FGD6: variants seen among roughly 807,000 people sequenced by gnomAD.
The protein encoded by FGD6 is FYVE, RhoGEF and PH domain containing 6, also known as FYVE, RhoGEF and PH domain-containing protein 6.
In FGD6, 90 loss-of-function variants were observed where a neutral mutation model predicts 149.4. The observed-to-expected ratio is 0.60, with a 90% CI of 0.51 to 0.72. The LOEUF is 0.72. Among genes scored for constraint, FGD6 ranks in the 30% least tolerant of loss-of-function variants. The pLI, the probability that FGD6 is intolerant of heterozygous loss-of-function variation, is 0.00. For synonymous variants in FGD6, 527 were observed against 584.0 expected, an observed-to-expected ratio of 0.90 and a Z score of 1.41; for missense variants, 1,437 against 1,684.8, an observed-to-expected ratio of 0.85 and a Z score of 2.57.
chr12:95,126,436 CA>C, intron 8 of FGD6: 1 of 1,123,110 alleles, frequency 8.9e-7, no homozygotes, highest in Non-Finnish European at 1.2e-6. Context: ...AAAAAACAAA[CA>C]AAAAACAAAG....
At chr12:95,113,973 C>T (rs200021336) in intron 8 of FGD6, among the ~76,000 whole-genome samples, 7 of 152,210 alleles carry the variant, frequency 4.6e-5, no homozygotes, top group African/African-American at 1.7e-4. Context: ...CCAACTCACA[C>T]AACCTCTAGT....
At chr12:95,102,095 T>C (rs1226922294) in intron 14 of FGD6, among the ~76,000 whole-genome samples, 1 of 151,432 alleles carries the variant, frequency 6.6e-6, no homozygotes, top group Non-Finnish European at 1.5e-5. Flanking sequence ...TCACCTGAGG[T>C]CAGGAGTTCA....
chr12:95,138,199 G>C (rs1879731704), intron 6 of FGD6, among the ~76,000 whole-genome samples: 1 of 123,506 alleles, frequency 8.1e-6, no homozygotes, highest in African/African-American at 3.4e-5. Context: ...GCAAGATTCT[G>C]TCTCAAAAAT....
At chr12:95,146,988 T>C (rs1880037514) in intron 5 of FGD6, among the ~76,000 whole-genome samples, 1 of 152,150 alleles carries the variant, frequency 6.6e-6, no homozygotes, top group Non-Finnish European at 1.5e-5. Context: ...GAGGGGTATG[T>C]GACTTAATTA....
At chr12:95,138,665 A>G (rs1879754450) in intron 6 of FGD6, among the ~76,000 whole-genome samples, 1 of 151,594 alleles carries the variant, frequency 6.6e-6, no homozygotes, top group East Asian at 1.9e-4. Flanking sequence ...GGCCTTCTTT[A>G]TCTTCTTTGG....
In FGD6 at chr12:95,081,028, A is replaced by G. The variant is rs1877656920; in HGVS notation, c.*492T>C. 6.6e-6 allele frequency: 1 copy of G among 152,194 alleles called. No individual in the cohort carries two copies. Among genetic ancestry groups the G allele is most frequent in the African/African-American group, 2.4e-5 (1 of 41,458 alleles). The allele number at this position is 152,194 out of a possible 1,614,324, so 9.4% of individuals were successfully genotyped here. On this transcript the variant is annotated 3_prime_UTR_variant, in exon 21 of 21. Coordinates refer to ENST00000343958, the MANE Select transcript of FGD6 (RefSeq NM_018351.4). ...TTTCCACTAAAAGATACAAATATTCACCCAAGTTTATTGATTCAAAGACAT... is the reference window on the plus strand; with the variant it reads ...TTTCCACTAAAAGATACAAATATTCGCCCAAGTTTATTGATTCAAAGACAT...
chr12:95,078,818 G>A lies in FGD6; in HGVS notation c.*2702C>T, dbSNP rs754886897. 6.6e-6 allele frequency: 1 copy of A among 152,126 alleles called. No individual in the cohort carries two copies. The highest frequency in any genetic ancestry group is 6.5e-5 in the Admixed American group (1 of 15,274). 9.4% of individuals were successfully genotyped at this position (152,126 alleles called of 1,614,324 possible). ...CAGCCTTCCCCTGGTTCAGCCTGGC[G>A]TCTCATCTACGTTATGCTTAGCATC... On this transcript the variant is annotated 3_prime_UTR_variant, in exon 21 of 21. Coordinates refer to ENST00000343958, the MANE Select transcript of FGD6 (RefSeq NM_018351.4).
rs900145004 is a variant in FGD6 at position 95,210,177 on chromosome 12, C to A, written c.1107G>T (p.Leu369Phe). The A allele has an allele frequency of 6.2e-7, 1 of 1,613,948 alleles. No individual in the cohort carries two copies. The highest frequency in any genetic ancestry group is 1.1e-5 in the South Asian group (1 of 91,066). The change falls in exon 2 of 21, where the codon TTG becomes TTT. Residue 369 changes from leucine (L) to phenylalanine (F), a missense_variant. Transcript: ENST00000343958. ...NKISVLHQNVLCKQEQVDKMK... is the reference protein window; with the variant it reads ...NKISVLHQNVFCKQEQVDKMK... ...TTTTATCCACCTGTTCCTGCTTACA[C>A]AAAACATTCTGATGCAGAACACTGA...
intron 6 of FGD6, 23 bp from the exon 7 acceptor site, chr12:95,137,701 C>A (rs1406909669): frequency 6.6e-7 from 1 of 1,512,080 alleles, no homozygotes; most frequent in Admixed American, 2.2e-5. Flanking sequence ...AAGAGATACA[C>A]AAAAAAATAT....
intron 2 of FGD6, among the ~76,000 whole-genome samples, chr12:95,201,237 A>G (rs1051998567): frequency 2.6e-5 from 4 of 152,142 alleles, no homozygotes; most frequent in Non-Finnish European, 5.9e-5. Flanking sequence ...CCCCTGAACC[A>G]CCTGGAAGAT....
intron 14 of FGD6, among the ~76,000 whole-genome samples, chr12:95,098,011 C>T (rs910050645): frequency 6.6e-6 from 1 of 152,168 alleles, no homozygotes; most frequent in Non-Finnish European, 1.5e-5. Flanking sequence ...TACCCTCATT[C>T]AGTCTGCCAG....
intron 8 of FGD6, among the ~76,000 whole-genome samples, chr12:95,128,556 A>C (rs1488396675): frequency 1.3e-5 from 2 of 152,206 alleles, no homozygotes; most frequent in Non-Finnish European, 2.9e-5. Flanking sequence ...AGGGGTTTAC[A>C]ATCTAGTGGA....
At chr12:95,184,833 T>A (rs965531352) in intron 2 of FGD6, among the ~76,000 whole-genome samples, 6 of 152,274 alleles carry the variant, frequency 3.9e-5, no homozygotes, top group Admixed American at 3.3e-4. Context: ...TTTGCCCGCC[T>A]TGGCCTCCCA....
intron 3 of FGD6, among the ~76,000 whole-genome samples, chr12:95,162,168 GA>G (rs1242603267): frequency 1.3e-5 from 2 of 151,270 alleles, no homozygotes; most frequent in African/African-American, 4.9e-5. Flanking sequence ...TTGAGAGACT[GA>G]GGTAGGAGGA....
At chr12:95,092,146 A>G (rs955539074) in intron 16 of FGD6, among the ~76,000 whole-genome samples, 6 of 152,214 alleles carry the variant, frequency 3.9e-5, no homozygotes, top group Admixed American at 3.3e-4. Context: ...CACTGTCATC[A>G]TCATAATCAC....
At chr12:95,155,100 G>C (rs1233400651) in intron 3 of FGD6, among the ~76,000 whole-genome samples, 4 of 152,150 alleles carry the variant, frequency 2.6e-5, no homozygotes, top group African/African-American at 9.6e-5. Flanking sequence ...AAAAAAATAT[G>C]ACTATATATG....
chr12:95,144,480 C>CTT (rs1879948440), intron 5 of FGD6, among the ~76,000 whole-genome samples: 1 of 151,932 alleles, frequency 6.6e-6, no homozygotes, highest in Non-Finnish European at 1.5e-5. Flanking sequence ...ACAACCTCCG[C>CTT]TTCCCGGGTT....
rs759692979 is a variant in FGD6 at position 95,104,995 on chromosome 12, G to GA, written c.3497+11dup. On this transcript the variant is annotated intron_variant, in intron 14 of 20. Coordinates refer to ENST00000343958, the MANE Select transcript of FGD6 (RefSeq NM_018351.4). ...AGAAAAAAAAAAAAAAAAAGAAGAA[G>GA]AAAAAATTTACCTGGCTGAGAGAAT... is the stretch of plus-strand genomic sequence containing the variant. 2.0e-6 allele frequency: 3 copies of GA among 1,485,710 alleles called. No individual in the cohort carries two copies. Among genetic ancestry groups the GA allele is most frequent in the Non-Finnish European group, 1.8e-6 (2 of 1,111,110 alleles). 92.0% of individuals were successfully genotyped at this position (1,485,710 alleles called of 1,614,324 possible). A position where few individuals can be genotyped will look rare whatever the true frequency, so the allele number is the denominator to read the frequency against.
intron 2 of FGD6, among the ~76,000 whole-genome samples, chr12:95,195,135 T>C (rs1243054359): frequency 6.6e-6 from 1 of 152,212 alleles, no homozygotes; most frequent in Non-Finnish European, 1.5e-5. Context: ...AAATTTTATA[T>C]TTAAAATGCC....
Sources: allele counts gnomAD v4.1 joint callset (sites outside exome capture counted in the v4.1 genomes callset), GRCh38; gene constraint gnomAD v4.1.1; transcripts MANE v1.5; gene names NCBI Gene and HGNC (gene_info 2026-07-23, HGNC 2026-07-21).